The following EPHA6 variants were observed in gnomAD, a reference collection of about 807,000 sequenced individuals.
EPHA6 encodes ephrin type-A receptor 6.
A neutral mutation model predicts 112.0 loss-of-function variants in EPHA6; 50 were observed. That is an observed-to-expected ratio of 0.45 (90% CI 0.36 to 0.56). The LOEUF (loss-of-function observed/expected upper bound fraction) is 0.56, where lower values mean the gene tolerates loss of function less well. Ranked by LOEUF, EPHA6 falls within the 20% of genes least tolerant of loss-of-function variation. EPHA6 has a pLI of 0.00. For missense variants in EPHA6, 1,280 were observed against 1,417.4 expected (o/e 0.90, Z 1.56); for synonymous variants, 529 against 490.7 (o/e 1.08, Z -1.03).
chr3:97,111,133 T>G (rs1435680174), intron 3 of EPHA6, among the ~76,000 whole-genome samples: 1 of 152,030 alleles, frequency 6.6e-6, no homozygotes, highest in Non-Finnish European at 1.5e-5. Flanking sequence ...GATTAAAAGC[T>G]CTGACTTACA....
chr3:97,268,002 T>C (rs940640270), intron 5 of EPHA6, among the ~76,000 whole-genome samples: 1 of 152,200 alleles, frequency 6.6e-6, no homozygotes, highest in African/African-American at 2.4e-5. Flanking sequence ...AGGTAGGGTC[T>C]TGCTGGAGGT....
chr3:96,944,090 T>A (rs2041124844), intron 2 of EPHA6, among the ~76,000 whole-genome samples: 1 of 152,168 alleles, frequency 6.6e-6, no homozygotes, highest in African/African-American at 2.4e-5. Context: ...TTGTCTCAGT[T>A]AACTCTCCAT....
chr3:97,364,416 A>T (rs2084590551), intron 5 of EPHA6, among the ~76,000 whole-genome samples: 1 of 151,514 alleles, frequency 6.6e-6, no homozygotes, highest in African/African-American at 2.4e-5. Flanking sequence ...TTCAGGAGAC[A>T]TCAAGAAAGC....
At chr3:96,994,162 G>T in intron 3 of EPHA6, 1 of 337,622 alleles carries the variant, frequency 3.0e-6, no homozygotes, top group East Asian at 4.5e-5. Flanking sequence ...GGCTTAAATA[G>T]ATAGAAAGAT....
intron 10 of EPHA6, among the ~76,000 whole-genome samples, chr3:97,513,210 C>T (rs577938526): frequency 6.6e-6 from 1 of 152,270 alleles, no homozygotes; most frequent in Non-Finnish European, 1.5e-5. Flanking sequence ...GAATGTAAAT[C>T]AGTGCAGCCA....
chr3:97,179,948 A>T (rs948826364), intron 3 of EPHA6, among the ~76,000 whole-genome samples: 6 of 152,066 alleles, frequency 3.9e-5, no homozygotes, highest in Non-Finnish European at 8.8e-5. Context: ...CAGGTGGCAA[A>T]GTCAGCCAGG....
At chr3:97,281,226 TGTGC>T (rs10536048) in intron 5 of EPHA6, among the ~76,000 whole-genome samples, 15,320 of 142,112 alleles carry the variant, frequency 0.11, 1,514 homozygotes, top group African/African-American at 0.26. Context: ...TGTGTGTGTG[TGTGC>T]GCGCGTGTGT....
intron 10 of EPHA6, among the ~76,000 whole-genome samples, chr3:97,520,467 G>A (rs1213400075): frequency 6.6e-6 from 1 of 152,182 alleles, no homozygotes; most frequent in Non-Finnish European, 1.5e-5. Context: ...ATTTATGAAG[G>A]ATAACTTTGC....
chr3:97,591,120 T>A (rs190856008), intron 11 of EPHA6, among the ~76,000 whole-genome samples: 2 of 152,162 alleles, frequency 1.3e-5, no homozygotes, highest in Non-Finnish European at 2.9e-5. Flanking sequence ...CCCCATAAAA[T>A]CAACAACAAA....
intron 1 of EPHA6, among the ~76,000 whole-genome samples, chr3:96,815,924 T>C (rs9872167): frequency 0.018 from 2,734 of 152,300 alleles, 72 homozygotes; most frequent in African/African-American, 0.049. Flanking sequence ...TCTGGCTAGA[T>C]ATTCTCTCAC....
At chr3:97,619,052 A>G (rs2093790296) in intron 13 of EPHA6, among the ~76,000 whole-genome samples, 1 of 152,118 alleles carries the variant, frequency 6.6e-6, no homozygotes, top group African/African-American at 2.4e-5. Flanking sequence ...CACATCAAAG[A>G]GCTTATCCAC....
intron 5 of EPHA6, among the ~76,000 whole-genome samples, chr3:97,362,768 G>A (rs2084444619): frequency 6.6e-6 from 1 of 152,028 alleles, no homozygotes; most frequent in South Asian, 2.1e-4. Context: ...AAACTACTGA[G>A]TCAAGGTGTC....
intron 4 of EPHA6, among the ~76,000 whole-genome samples, chr3:97,227,534 A>C (rs1043015697): frequency 2.0e-5 from 3 of 152,168 alleles, no homozygotes; most frequent in Non-Finnish European, 4.4e-5. Flanking sequence ...ACTATTTTTT[A>C]TGAAGAGTTA....
chr3:96,933,747 A>C (rs964445789), intron 2 of EPHA6, among the ~76,000 whole-genome samples: 9 of 152,116 alleles, frequency 5.9e-5, no homozygotes, highest in African/African-American at 2.2e-4. Flanking sequence ...TATTATTATA[A>C]ATTTTAAAGT....
chr3:97,454,293 T>C (rs1418179368), intron 7 of EPHA6, among the ~76,000 whole-genome samples: 1 of 151,810 alleles, frequency 6.6e-6, no homozygotes, highest in African/African-American at 2.4e-5. Flanking sequence ...AGAACTATAG[T>C]CTGTATATCT....
rs577482071 is a variant in EPHA6, at chr3:97,221,412, C to T, written c.1115-4852C>T. On this transcript the variant is annotated intron_variant, in intron 3 of 17. Coordinates refer to ENST00000389672, the MANE Select transcript of EPHA6 (RefSeq NM_001080448.3). The stretch of plus-strand genomic sequence containing the variant: ...TAATAGAAACCACTTTGTTAGATAA[C>T]CTGTAACTTTCCTACATGATTCTGT... 1.2e-4 allele frequency among the ~76,000 whole-genome samples: 18 copies of T among 149,326 alleles called. No homozygotes were observed. The East Asian group carries it at 2.2e-3, about 18-fold the overall frequency.
intron 13 of EPHA6, among the ~76,000 whole-genome samples, chr3:97,617,888 C>T (rs1315139065): frequency 6.6e-6 from 1 of 152,128 alleles, no homozygotes; most frequent in African/African-American, 2.4e-5. Flanking sequence ...AGAAAATTCA[C>T]AAAGATATTC....
At chr3:96,923,109 A>G (rs2039857908) in intron 2 of EPHA6, among the ~76,000 whole-genome samples, 1 of 152,182 alleles carries the variant, frequency 6.6e-6, no homozygotes, top group African/African-American at 2.4e-5. Context: ...ATACGCATGC[A>G]TGTATCTTTA....
intron 3 of EPHA6, among the ~76,000 whole-genome samples, chr3:97,006,352 G>A (rs150579250): frequency 0.011 from 1,612 of 152,180 alleles, 15 homozygotes; most frequent in Non-Finnish European, 0.016. Flanking sequence ...TATGCGTCCA[G>A]GAAGTTATCC....
Sources: allele counts gnomAD v4.1 joint callset (sites outside exome capture counted in the v4.1 genomes callset), GRCh38; gene constraint gnomAD v4.1.1; transcripts MANE v1.5; gene names NCBI Gene and HGNC (gene_info 2026-07-23, HGNC 2026-07-21).